The following PRDM2 variants were observed in gnomAD, a reference collection of about 807,000 sequenced individuals.
The protein encoded by PRDM2 is PR/SET domain 2.
PRDM2 carries 30 observed loss-of-function variants against 130.0 expected under a neutral mutation model. The observed-to-expected ratio is 0.23, with a 90% confidence interval of 0.17 to 0.31. The LOEUF (loss-of-function observed/expected upper bound fraction) is 0.31, where lower values mean the gene tolerates loss of function less well. Among genes scored for constraint, PRDM2 ranks in the 10% least tolerant of loss-of-function variants. The pLI, the probability that PRDM2 is intolerant of heterozygous loss-of-function variation, is 1.00. For synonymous variants in PRDM2, 871 were observed against 782.4 expected (o/e 1.11, Z -1.89); for missense variants, 2,011 against 2,108.4 (o/e 0.95, Z 0.90).
intron 6 of PRDM2, among the ~76,000 whole-genome samples, chr1:13,758,713 G>A (rs563427757): frequency 1.6e-4 from 25 of 152,288 alleles, no homozygotes; most frequent in African/African-American, 5.8e-4. Context: ...AGCATTTATT[G>A]TAGCTGCTTG....
At chr1:13,717,443 G>A in intron 2 of PRDM2, 1 of 984,464 alleles carries the variant, frequency 1.0e-6, no homozygotes, top group Non-Finnish European at 1.2e-6. Context: ...CTTCCAAAGT[G>A]GAATCTAAAT....
chr1:13,796,352 T>G (rs150526393), intron 8 of PRDM2, among the ~76,000 whole-genome samples: 1 of 152,236 alleles, frequency 6.6e-6, no homozygotes, highest in African/African-American at 2.4e-5. Context: ...TAATATCATA[T>G]GTAAACAAAG....
chr1:13,741,667 G>A (rs114158046), intron 4 of PRDM2, among the ~76,000 whole-genome samples: 2,793 of 146,770 alleles, frequency 0.019, 63 homozygotes, highest in South Asian at 0.12. Context: ...CTCTGTGTAC[G>A]TATTTGTAAA....
chr1:13,754,880 T>C (rs1338850565), intron 6 of PRDM2, among the ~76,000 whole-genome samples: 2 of 152,210 alleles, frequency 1.3e-5, no homozygotes, highest in Admixed American at 6.5e-5. Flanking sequence ...GGCTTTTTGC[T>C]GGCAAGCTTG....
chr1:13,805,337 TC>T (rs1434807691), intron 8 of PRDM2, among the ~76,000 whole-genome samples: 1 of 152,138 alleles, frequency 6.6e-6, no homozygotes, highest in Admixed American at 6.5e-5. Flanking sequence ...GGCTCTGGAA[TC>T]CCCACCCCAT....
Position 13,700,274 on chromosome 1 carries a change from T to C in PRDM2, c.-92T>C, listed in dbSNP as rs981635775. 1 of 149,770 alleles carries C rather than the reference T, an allele frequency of 6.7e-6. No homozygotes were observed. The highest frequency in any genetic ancestry group is 1.5e-5 in the Non-Finnish European group (1 of 67,090). 9.3% of individuals were successfully genotyped at this position (149,770 alleles called of 1,614,324 possible). On this transcript the variant is annotated 5_prime_UTR_variant, in exon 1 of 10. Transcript: ENST00000311066. ...CGGCGGCGGCGGCGGCCCTCGGTGC[T>C]CTGAGGCGCTGGCGCGGCGGGCGCG... is the stretch of plus-strand genomic sequence containing the variant.
intron 8 of PRDM2, among the ~76,000 whole-genome samples, chr1:13,813,314 A>G (rs1283575763): frequency 6.6e-6 from 1 of 152,110 alleles, no homozygotes; most frequent in African/African-American, 2.4e-5. Flanking sequence ...GAAGCACCCA[A>G]TTCCGGAGCC....
In PRDM2 at chr1:13,782,638, G is replaced by C; in HGVS notation, c.4843G>C (p.Val1615Leu). ...SKTSRSLHVR[V>L]QKSKAVLQSK... ...AACATCACGGAGCCTGCACGTGAGG[G>C]TACAGAAAAGCAAAGCTGTTTTACA... Residue 1615 changes from valine (V) to leucine (L), a missense_variant, in exon 8 of 10, where the codon GTA becomes CTA. Physicochemically the swap from Val to Leu is conservative, Grantham distance 32. Transcript: ENST00000311066. 6.2e-7 allele frequency: 1 copy of C among 1,614,136 alleles called. No individual in the cohort carries two copies. The highest frequency in any genetic ancestry group is 8.5e-7 in the Non-Finnish European group (1 of 1,180,024).
At position 13,750,415 on chromosome 1, in the gene PRDM2, C is replaced by T. The variant is rs146758642; in HGVS notation, c.511+928C>T. Among the ~76,000 whole-genome samples, 515 of 150,764 alleles carry T rather than the reference C, an allele frequency of 3.4e-3. 4 individuals carry two copies. The highest frequency in any genetic ancestry group is 0.012 in the African/African-American group (497 of 41,018). On this transcript the variant is annotated intron_variant, in intron 6 of 9. Coordinates refer to ENST00000311066, the MANE Select transcript of PRDM2 (RefSeq NM_001393986.1). Reference sequence around the variant, plus strand: ...GTTTTTTTGTTTTTTTTTTGCTCTCCTTAGGTCTTAAGTAGATTTCTTTTT... The same window carrying T: ...GTTTTTTTGTTTTTTTTTTGCTCTCTTTAGGTCTTAAGTAGATTTCTTTTT...
chr1:13,783,146 A>T, intron 8 of PRDM2: 1 of 558,106 alleles, frequency 1.8e-6, no homozygotes, highest in South Asian at 1.5e-5. Context: ...AACTTCCTTT[A>T]TGTCTTGGGT....
At chr1:13,769,832 G>A (rs1644317401) in intron 6 of PRDM2, among the ~76,000 whole-genome samples, 1 of 152,182 alleles carries the variant, frequency 6.6e-6, no homozygotes, top group Non-Finnish European at 1.5e-5. Flanking sequence ...GTGTGATCCA[G>A]AAATGCATTG....
At chr1:13,818,644 C>T (rs1193175856) in intron 9 of PRDM2, among the ~76,000 whole-genome samples, 1 of 152,038 alleles carries the variant, frequency 6.6e-6, no homozygotes, top group African/African-American at 2.4e-5. Flanking sequence ...CTCTGCCTCC[C>T]AAAGTGCTGG....
chr1:13,731,425 G>T (rs1428883482), intron 3 of PRDM2, among the ~76,000 whole-genome samples: 2 of 152,098 alleles, frequency 1.3e-5, no homozygotes, highest in Non-Finnish European at 2.9e-5. Context: ...CCCACAGAAC[G>T]TGTTGTTCCC....
In PRDM2 at chr1:13,823,108, G is replaced by A. The variant is rs544787095; in HGVS notation, c.*24-51G>A. On this transcript the variant is annotated intron_variant, in intron 9 of 9. Coordinates refer to ENST00000311066, the MANE Select transcript of PRDM2 (RefSeq NM_001393986.1). ...AATAACGCATGGACCACCATGGTCGGCACTGAATGTGTGCTTACTGTTATT... is the reference window on the plus strand; with the variant it reads ...AATAACGCATGGACCACCATGGTCGACACTGAATGTGTGCTTACTGTTATT... The A allele has an allele frequency of 1.4e-5, 21 of 1,542,226 alleles. No homozygotes were observed. In the East Asian group the frequency reaches 4.7e-4, roughly 34 times the overall value.
chr1:13,818,555 T>TC (rs1027394661), intron 9 of PRDM2, among the ~76,000 whole-genome samples: 1 of 151,238 alleles, frequency 6.6e-6, no homozygotes, highest in African/African-American at 2.4e-5. Context: ...ATTTTTTTTT[T>TC]TTTTGTATTT....
Position 13,729,970 on chromosome 1 carries a change from T to A in PRDM2, c.10-1030T>A, listed in dbSNP as rs1365779335. ...AGTTTGGATGATATTCTTTTCTTGGTACATATATTCTTGAAGACGACAAGA... is the reference window on the plus strand; with the variant it reads ...AGTTTGGATGATATTCTTTTCTTGGAACATATATTCTTGAAGACGACAAGA... On this transcript the variant is annotated intron_variant, in intron 2 of 9. Coordinates refer to ENST00000311066, the MANE Select transcript of PRDM2 (RefSeq NM_001393986.1). Among the ~76,000 whole-genome samples, 3 of 152,220 alleles carry A rather than the reference T, an allele frequency of 2.0e-5. No homozygotes were observed. The East Asian group carries it at 5.8e-4, about 29-fold the overall frequency.
intron 1 of PRDM2, among the ~76,000 whole-genome samples, chr1:13,701,054 G>T (rs773898135): frequency 6.6e-6 from 1 of 152,138 alleles, no homozygotes; most frequent in African/African-American, 2.4e-5. Context: ...CCGACCCTCC[G>T]GGCTTGTAGC....
At chr1:13,822,681 C>T (rs377312279) in intron 9 of PRDM2, among the ~76,000 whole-genome samples, 24 of 151,980 alleles carry the variant, frequency 1.6e-4, no homozygotes, top group Non-Finnish European at 2.9e-4. Context: ...CGTGAGCCAC[C>T]GCGCCTGGCC....
intron 4 of PRDM2, among the ~76,000 whole-genome samples, chr1:13,737,641 A>T (rs751321258): frequency 6.6e-6 from 1 of 152,222 alleles, no homozygotes; most frequent in Middle Eastern, 3.2e-3. Context: ...ATTGGTTGTC[A>T]TAGAAACAGA....
Sources: gnomAD v4.1 joint callset for allele counts (sites outside exome capture counted in the v4.1 genomes callset) on GRCh38, gnomAD v4.1.1 for gene constraint, MANE v1.5 for transcripts, NCBI Gene and HGNC (gene_info 2026-07-23, HGNC 2026-07-21) for gene names.